Variants in BLTP3A observed in about 807,000 individuals in gnomAD.
The protein encoded by BLTP3A is bridge-like lipid transfer protein family member 3A.
At chr6:34,815,939 C>T in the BLTP3A span, among the ~76,000 whole-genome samples, 2 of 152,170 alleles carry the variant, frequency 1.3e-5, no homozygotes, top group African/African-American at 4.8e-5. Flanking sequence ...AGCAACCGTG[C>T]CCGGCCTGCA....
chr6:34,832,922 A>T, the BLTP3A span, among the ~76,000 whole-genome samples: 1 of 151,822 alleles, frequency 6.6e-6, no homozygotes. Context: ...TTTCAGTTTG[A>T]ATTTTCAGAC....
chr6:34,806,612 A>C, the BLTP3A span, among the ~76,000 whole-genome samples: 1 of 152,208 alleles, frequency 6.6e-6, no homozygotes, highest in African/African-American at 2.4e-5. Context: ...TTTCAAAGAT[A>C]TATGCTACAC....
At chr6:34,826,213 G>C in the BLTP3A span, among the ~76,000 whole-genome samples, 2 of 151,542 alleles carry the variant, frequency 1.3e-5, no homozygotes, top group African/African-American at 2.4e-5. Flanking sequence ...GTAGAGACAG[G>C]GTTTCACCAT....
the BLTP3A span, chr6:34,864,341 G>C: frequency 1.1e-6 from 1 of 893,012 alleles, no homozygotes; most frequent in East Asian, 2.6e-5. Context: ...AAGAGAGACA[G>C]AGAAATTTTG....
the BLTP3A span, among the ~76,000 whole-genome samples, chr6:34,807,312 A>G: frequency 2.7e-5 from 4 of 150,540 alleles, no homozygotes; most frequent in African/African-American, 7.4e-5. Flanking sequence ...GAATGGTCAA[A>G]TGAAAGCGGG....
At chr6:34,867,758 A>C in the BLTP3A span, 1 of 1,128,512 alleles carries the variant, frequency 8.9e-7, no homozygotes, top group South Asian at 1.8e-5. Context: ...GGGAGGAAAA[A>C]CTCCATTGAA....
chr6:34,807,322 G>A, the BLTP3A span, among the ~76,000 whole-genome samples: 1 of 152,254 alleles, frequency 6.6e-6, no homozygotes, highest in East Asian at 1.9e-4. Context: ...ATGAAAGCGG[G>A]TAGAGGGTTG....
At chr6:34,876,082 T>C in the BLTP3A span, 1 of 152,654 alleles carries the variant, frequency 6.6e-6, no homozygotes, top group Non-Finnish European at 1.5e-5. Flanking sequence ...GGATATGCTT[T>C]AGTGTGTATG....
At chr6:34,832,378 C>G in the BLTP3A span, among the ~76,000 whole-genome samples, 1 of 152,064 alleles carries the variant, frequency 6.6e-6, no homozygotes, top group Non-Finnish European at 1.5e-5. Flanking sequence ...GCTTTAGCCT[C>G]CCAAAGTGTT....
the BLTP3A span, chr6:34,858,359 A>G: frequency 3.1e-6 from 5 of 1,614,028 alleles, no homozygotes; most frequent in Non-Finnish European, 4.2e-6. Flanking sequence ...TTTTTGCATC[A>G]TGCCTTTCAG....
the BLTP3A span, chr6:34,870,946 C>T: frequency 6.2e-7 from 1 of 1,614,088 alleles, no homozygotes; most frequent in Non-Finnish European, 8.5e-7. Flanking sequence ...AGCAGCTGTT[C>T]ATTCCCCCCT....
chr6:34,853,863 G>C, the BLTP3A span, among the ~76,000 whole-genome samples: 2 of 152,010 alleles, frequency 1.3e-5, no homozygotes, highest in African/African-American at 4.8e-5. Context: ...TGCCTGGCCA[G>C]TTATTTTCTT....
the BLTP3A span, chr6:34,859,144 G>A: frequency 6.2e-7 from 1 of 1,614,030 alleles, no homozygotes; most frequent in Non-Finnish European, 8.5e-7. Flanking sequence ...AGCAAGCCCT[G>A]AGAAGGTCTT....
At chr6:34,863,151 C>T in the BLTP3A span, among the ~76,000 whole-genome samples, 534 of 152,220 alleles carry the variant, frequency 3.5e-3, 1 homozygote, top group South Asian at 0.016. Flanking sequence ...AAGCCATCTG[C>T]CTGCCTTGGC....
chr6:34,831,624 T>C, the BLTP3A span, among the ~76,000 whole-genome samples: 1 of 152,170 alleles, frequency 6.6e-6, no homozygotes, highest in Non-Finnish European at 1.5e-5. Flanking sequence ...GAATCTCTAG[T>C]CCATCTTGGA....
chr6:34,843,716 T>C, the BLTP3A span, among the ~76,000 whole-genome samples: 2 of 152,224 alleles, frequency 1.3e-5, no homozygotes, highest in Non-Finnish European at 2.9e-5. Context: ...AGAGTGCAAA[T>C]ATCTCCTGGG....
chr6:34,836,875 A>G, the BLTP3A span, among the ~76,000 whole-genome samples: 384 of 152,304 alleles, frequency 2.5e-3, 4 homozygotes, highest in African/African-American at 8.4e-3. Context: ...ATGTGTTTGT[A>G]TTTATTCAGA....
the BLTP3A span, among the ~76,000 whole-genome samples, chr6:34,826,474 T>C: frequency 2.0e-5 from 3 of 150,252 alleles, no homozygotes; most frequent in Non-Finnish European, 3.0e-5. Context: ...TTCTCCCACA[T>C]CAGACTCCCA....
the BLTP3A span, chr6:34,856,532 G>T: frequency 7.5e-7 from 1 of 1,338,632 alleles, no homozygotes. Context: ...AGAGACATCA[G>T]TGACTTTTTT....
Sources: allele counts gnomAD v4.1 joint callset (sites outside exome capture counted in the v4.1 genomes callset), GRCh38; gene constraint gnomAD v4.1.1; transcripts MANE v1.5; gene names NCBI Gene and HGNC (gene_info 2026-07-23, HGNC 2026-07-21).